Variants in SNX29 observed in about 807,000 individuals in gnomAD.
SNX29 encodes the protein sorting nexin-29.
In SNX29, 78 loss-of-function variants were observed where a neutral mutation model predicts 102.1. The observed-to-expected ratio is 0.76, with a 90% CI of 0.64 to 0.92. The LOEUF (loss-of-function observed/expected upper bound fraction) is 0.92, where lower values mean the gene tolerates loss of function less well. Ranked by LOEUF, SNX29 falls within the 40% of genes least tolerant of loss-of-function variation. SNX29 has a pLI of 0.00. For missense variants in SNX29, 1,280 were observed against 1,061.7 expected (o/e 1.21, Z -2.86); for synonymous variants, 580 against 414.5 (o/e 1.40, Z -4.85).
intron 3 of SNX29, among the ~76,000 whole-genome samples, chr16:12,003,294 T>G (rs1037103657): frequency 6.6e-6 from 1 of 152,150 alleles, no homozygotes; most frequent in African/African-American, 2.4e-5. Flanking sequence ...TCTGAGGGAA[T>G]TATTCGAGAT....
At chr16:12,120,675 T>C (rs2053935051) in intron 11 of SNX29, among the ~76,000 whole-genome samples, 1 of 152,148 alleles carries the variant, frequency 6.6e-6, no homozygotes, top group Non-Finnish European at 1.5e-5. Context: ...GTGTCTGTGT[T>C]TATGTTTGGG....
chr16:12,507,291 C>T (rs1466056716), intron 19 of SNX29, among the ~76,000 whole-genome samples: 7 of 152,200 alleles, frequency 4.6e-5, no homozygotes, highest in African/African-American at 7.2e-5. Flanking sequence ...TCAGTAGATG[C>T]GAGCTGCTGT....
rs561317779 is a variant in SNX29 at position 12,444,015 on chromosome 16, C to T, written c.2038-33704C>T. ...AGTAAACACTCAGTATAGCACCTAGCACGTAGTAAGCACTCAGTATAGCAC... is the reference window on the plus strand; with the variant it reads ...AGTAAACACTCAGTATAGCACCTAGTACGTAGTAAGCACTCAGTATAGCAC... On this transcript the variant is annotated intron_variant, in intron 18 of 20. Transcript: ENST00000566228. 1.2e-4 allele frequency among the ~76,000 whole-genome samples: 18 copies of T among 151,666 alleles called. 1 individual carries two copies. The South Asian group carries it at 3.8e-3, about 32-fold the overall frequency.
In SNX29 at chr16:12,048,455, C is replaced by A; in HGVS notation, c.583C>A (p.Leu195Ile). Residue 195 changes from leucine to isoleucine, a missense_variant, in exon 7 of 21, where the codon CTC becomes ATC. Leu to Ile is a conservative substitution (Grantham distance 5, BLOSUM62 2). Coordinates refer to ENST00000566228, the MANE Select transcript of SNX29 (RefSeq NM_032167.5). ...QSKFAPTVSD[L>I]LKESTQNVTS... ...TAAGTTTGCTCCCACCGTTTCAGAC[C>A]TCTTAAAGGAGTCAACGCAGAACGT... 6.2e-7 allele frequency: 1 copy of A among 1,613,896 alleles called. No individual in the cohort carries two copies. The highest frequency in any genetic ancestry group is 8.5e-7 in the Non-Finnish European group (1 of 1,179,860).
At chr16:12,006,869 T>C (rs1202640268) in intron 3 of SNX29, among the ~76,000 whole-genome samples, 1 of 152,198 alleles carries the variant, frequency 6.6e-6, no homozygotes, top group Non-Finnish European at 1.5e-5. Flanking sequence ...TCCTCCCACC[T>C]TGGCCACCCA....
At chr16:12,326,260 C>T (rs561145991) in intron 15 of SNX29, among the ~76,000 whole-genome samples, 11 of 151,874 alleles carry the variant, frequency 7.2e-5, no homozygotes, top group East Asian at 2.0e-4. Flanking sequence ...GTGATCTGCC[C>T]GCCTTGGCCC....
At chr16:12,194,350 A>G (rs1273469519) in intron 13 of SNX29, among the ~76,000 whole-genome samples, 2 of 152,178 alleles carry the variant, frequency 1.3e-5, no homozygotes, top group Non-Finnish European at 2.9e-5. Context: ...TGTGACCTTG[A>G]AAAACTCGGT....
rs1040397445 is a variant in SNX29, at chr16:12,571,197, C to T, written c.*2568C>T. ...CTAGTGTGGTGGGATGAACTTCAGGCAACAAACAACTGGCAGGGTTCCCAG... is the reference window on the plus strand; with the variant it reads ...CTAGTGTGGTGGGATGAACTTCAGGTAACAAACAACTGGCAGGGTTCCCAG... On this transcript the variant is annotated 3_prime_UTR_variant, in exon 21 of 21. Transcript: ENST00000566228. 12 of 232,270 alleles carry T rather than the reference C, an allele frequency of 5.2e-5. No individual in the cohort carries two copies. The highest frequency in any genetic ancestry group is 3.6e-4 in the South Asian group (2 of 5,526). The allele number at this position is 232,270 out of a possible 1,614,324, so 14.4% of individuals were successfully genotyped here. A position where few individuals can be genotyped will look rare whatever the true frequency, so the allele number is the denominator to read the frequency against.
intron 15 of SNX29, among the ~76,000 whole-genome samples, chr16:12,278,431 G>A (rs2079325737): frequency 6.6e-6 from 1 of 151,948 alleles, no homozygotes; most frequent in Non-Finnish European, 1.5e-5. Context: ...AATTGAAGAT[G>A]AGGCAAACTG....
chr16:12,196,266 G>A (rs1025022104), intron 13 of SNX29, among the ~76,000 whole-genome samples: 15 of 152,066 alleles, frequency 9.9e-5, no homozygotes, highest in Non-Finnish European at 4.4e-5. Flanking sequence ...CTGGTCTTCA[G>A]TTTTTTCATG....
intron 20 of SNX29, among the ~76,000 whole-genome samples, chr16:12,563,433 T>C (rs2078844208): frequency 1.3e-5 from 2 of 152,236 alleles, no homozygotes; most frequent in African/African-American, 4.8e-5. Flanking sequence ...TTGCGGTATG[T>C]CCTTTGCAGG....
chr16:12,321,576 C>A (rs982520470), intron 15 of SNX29, among the ~76,000 whole-genome samples: 1 of 152,080 alleles, frequency 6.6e-6, no homozygotes, highest in Admixed American at 6.5e-5. Context: ...TGGAGCTGTG[C>A]AGGTGGTTGA....
At chr16:12,233,439 AG>A (rs112721160) in intron 14 of SNX29, among the ~76,000 whole-genome samples, 1 of 152,114 alleles carries the variant, frequency 6.6e-6, no homozygotes, top group Non-Finnish European at 1.5e-5. Context: ...GGCTACAAGA[AG>A]GGGAGGAAGG....
At chr16:12,307,237 C>T (rs2080365973) in intron 15 of SNX29, among the ~76,000 whole-genome samples, 1 of 152,170 alleles carries the variant, frequency 6.6e-6, no homozygotes, top group Non-Finnish European at 1.5e-5. Context: ...TTTCCTCGCT[C>T]ACATGGCATG....
At chr16:12,332,034 T>C (rs972141411) in intron 15 of SNX29, among the ~76,000 whole-genome samples, 3 of 152,060 alleles carry the variant, frequency 2.0e-5, no homozygotes, top group African/African-American at 7.2e-5. Context: ...CACTGGAGCC[T>C]GGGTGACAGA....
At chr16:12,148,987 C>T (rs1447204029) in intron 13 of SNX29, among the ~76,000 whole-genome samples, 1 of 152,174 alleles carries the variant, frequency 6.6e-6, no homozygotes, top group Non-Finnish European at 1.5e-5. Context: ...CAGGTGTGAG[C>T]CACCACGCCC....
At chr16:12,467,636 GTTCA>G (rs561044492) in intron 18 of SNX29, among the ~76,000 whole-genome samples, 27 of 128,582 alleles carry the variant, frequency 2.1e-4, no homozygotes, top group Admixed American at 1.1e-3. Flanking sequence ...TCGTTCGTTC[GTTCA>G]TTCATTCATT....
chr16:12,282,204 G>A (rs2079456885), intron 15 of SNX29, among the ~76,000 whole-genome samples: 1 of 151,836 alleles, frequency 6.6e-6, no homozygotes, highest in Non-Finnish European at 1.5e-5. Context: ...TGAAGAAGAA[G>A]GTTAACTTGA....
chr16:12,208,572 T>C (rs955645488), intron 14 of SNX29, among the ~76,000 whole-genome samples: 2 of 152,132 alleles, frequency 1.3e-5, no homozygotes, highest in African/African-American at 4.8e-5. Context: ...GGATGATTGC[T>C]TGAGCCCAGG....
Sources: allele counts gnomAD v4.1 joint callset (sites outside exome capture counted in the v4.1 genomes callset), GRCh38; gene constraint gnomAD v4.1.1; transcripts MANE v1.5; gene names NCBI Gene and HGNC (gene_info 2026-07-23, HGNC 2026-07-21).